KIF13B: variants seen among roughly 807,000 people sequenced by gnomAD.
The protein encoded by KIF13B is kinesin family member 13B.
A neutral mutation model predicts 222.0 loss-of-function variants in KIF13B; 127 were observed. The observed-to-expected ratio is 0.57, with a 90% CI of 0.50 to 0.66. KIF13B has a LOEUF of 0.66. Among genes scored for constraint, KIF13B ranks in the 30% least tolerant of loss-of-function variants. The probability of loss-of-function intolerance (pLI) is 0.00; values close to 1 mark genes in which losing one functional copy is unlikely to be tolerated. For missense variants in KIF13B, 2,173 were observed against 2,379.0 expected (o/e 0.91, Z 1.80); for synonymous variants, 976 against 919.0 (o/e 1.06, Z -1.12).
At chr8:29,192,749 T>C (rs913792700) in intron 3 of KIF13B, among the ~76,000 whole-genome samples, 1 of 151,958 alleles carries the variant, frequency 6.6e-6, no homozygotes, top group African/African-American at 2.4e-5. Flanking sequence ...CTGATATCCA[T>C]CACCCAGCTA....
At chr8:29,149,978 A>C (rs75962272) in intron 15 of KIF13B, among the ~76,000 whole-genome samples, 3 of 152,364 alleles carry the variant, frequency 2.0e-5, no homozygotes, top group African/African-American at 4.8e-5. Context: ...ATAAAAAAAA[A>C]GATAAACATG....
intron 5 of KIF13B, among the ~76,000 whole-genome samples, chr8:29,186,778 G>A (rs1400826981): frequency 2.6e-5 from 4 of 151,556 alleles, no homozygotes; most frequent in African/African-American, 9.7e-5. Context: ...GGGCAACAAG[G>A]TGAAACCCCG....
intron 30 of KIF13B, 130 bp downstream of exon 30, chr8:29,118,738 G>A (rs1417939232): frequency 4.6e-6 from 4 of 875,744 alleles, no homozygotes; most frequent in East Asian, 2.5e-5. Context: ...AAGTCATGAT[G>A]AAAGGTTTTG....
chr8:29,166,577 GC>G (rs1554611065), intron 11 of KIF13B, among the ~76,000 whole-genome samples: 1 of 151,936 alleles, frequency 6.6e-6, no homozygotes, highest in Non-Finnish European at 1.5e-5. Flanking sequence ...GGTGGCGTGC[GC>G]CTGTAATCCC....
At chr8:29,203,613 C>T (rs1317000051) in intron 2 of KIF13B, among the ~76,000 whole-genome samples, 1 of 152,136 alleles carries the variant, frequency 6.6e-6, no homozygotes, top group Non-Finnish European at 1.5e-5. Flanking sequence ...AGAAAATGCG[C>T]CAGGTGCGGT....
chr8:29,098,120 G>A (rs1358532520), intron 36 of KIF13B, among the ~76,000 whole-genome samples: 1 of 133,662 alleles, frequency 7.5e-6, no homozygotes, highest in Non-Finnish European at 1.5e-5. Flanking sequence ...GCAGTGAGCC[G>A]AGATCGCACC....
At chr8:29,137,317 CTGTT>C (rs1163365999) in intron 21 of KIF13B, among the ~76,000 whole-genome samples, 2 of 152,144 alleles carry the variant, frequency 1.3e-5, no homozygotes, top group African/African-American at 4.8e-5. Flanking sequence ...TGAACACAGG[CTGTT>C]TGGGTTTTGT....
chr8:29,121,795 G>A (rs1242370688), intron 29 of KIF13B, among the ~76,000 whole-genome samples: 2 of 150,580 alleles, frequency 1.3e-5, no homozygotes, highest in African/African-American at 2.4e-5. Flanking sequence ...GAAAATTTTC[G>A]CAGTTTTTTT....
intron 36 of KIF13B, among the ~76,000 whole-genome samples, chr8:29,096,116 G>GGACTACAGGTACCTGC (rs1427133879): frequency 6.6e-6 from 1 of 151,064 alleles, no homozygotes; most frequent in African/African-American, 2.4e-5. Flanking sequence ...GGAGGAGCTG[G>GGACTACAGGTACCTGC]GACTACAGGT....
intron 23 of KIF13B, among the ~76,000 whole-genome samples, chr8:29,131,693 T>C (rs1244800817): frequency 1.3e-5 from 2 of 152,226 alleles, no homozygotes; most frequent in Admixed American, 6.5e-5. Flanking sequence ...TCTTGATCCA[T>C]ACTCTCTACA....
chr8:29,112,723 T>C (rs1809415159), intron 32 of KIF13B, among the ~76,000 whole-genome samples: 1 of 152,204 alleles, frequency 6.6e-6, no homozygotes, highest in Non-Finnish European at 1.5e-5. Flanking sequence ...CCCTCACTTC[T>C]CCTGGCCCTG....
intron 35 of KIF13B, 95 bp downstream of exon 35, chr8:29,108,044 A>G: frequency 9.5e-7 from 1 of 1,050,804 alleles, no homozygotes; most frequent in Admixed American, 2.1e-5. Flanking sequence ...AGTAGAGGAA[A>G]TTCTGGCTTG....
chr8:29,131,415 A>G (rs1373800259), intron 23 of KIF13B, among the ~76,000 whole-genome samples: 1 of 152,220 alleles, frequency 6.6e-6, no homozygotes, highest in Non-Finnish European at 1.5e-5. Context: ...CATATGCTTC[A>G]GTGATGTGCC....
intron 2 of KIF13B, among the ~76,000 whole-genome samples, chr8:29,215,968 G>A (rs1481303312): frequency 6.6e-6 from 1 of 152,144 alleles, no homozygotes; most frequent in Non-Finnish European, 1.5e-5. Flanking sequence ...ATACATGGGT[G>A]TGTATGTAGA....
chr8:29,217,613 G>A (rs1342614260), intron 2 of KIF13B, among the ~76,000 whole-genome samples: 2 of 152,230 alleles, frequency 1.3e-5, no homozygotes, highest in Non-Finnish European at 2.9e-5. Flanking sequence ...GGGGAAGAAA[G>A]GGGAGCTGAA....
At chr8:29,198,102 T>C (rs1396364149) in intron 2 of KIF13B, among the ~76,000 whole-genome samples, 1 of 152,204 alleles carries the variant, frequency 6.6e-6, no homozygotes, top group African/African-American at 2.4e-5. Flanking sequence ...GACAAGAACA[T>C]TAAAACACCA....
At chr8:29,209,310 A>C (rs1262821354) in intron 2 of KIF13B, among the ~76,000 whole-genome samples, 1 of 152,142 alleles carries the variant, frequency 6.6e-6, no homozygotes, top group Non-Finnish European at 1.5e-5. Context: ...GGCTCCCTAC[A>C]TCTGTCTCTC....
intron 14 of KIF13B, 129 bp downstream of exon 14, chr8:29,155,597 G>A: frequency 1.4e-6 from 1 of 714,252 alleles, no homozygotes; most frequent in Non-Finnish European, 2.3e-6. Context: ...CTAAATGTAA[G>A]GGGCCCGCCC....
intron 3 of KIF13B, among the ~76,000 whole-genome samples, chr8:29,191,330 GTTTA>G (rs1349575256): frequency 6.6e-6 from 1 of 151,804 alleles, no homozygotes; most frequent in Non-Finnish European, 1.5e-5. Context: ...TACATCTATA[GTTTA>G]TTTTTTTGCA....
Sources: gnomAD v4.1 joint callset for allele counts (sites outside exome capture counted in the v4.1 genomes callset) on GRCh38, gnomAD v4.1.1 for gene constraint, MANE v1.5 for transcripts, NCBI Gene and HGNC (gene_info 2026-07-23, HGNC 2026-07-21) for gene names.